Variants in ANO10 observed in about 807,000 individuals in gnomAD.
The protein encoded by ANO10 is anoctamin-10.
A neutral mutation model predicts 74.7 loss-of-function variants in ANO10; 77 were observed. That is an observed-to-expected ratio of 1.03 (90% confidence interval 0.86 to 1.25). The LOEUF (loss-of-function observed/expected upper bound fraction) is 1.25. Ranked by LOEUF, ANO10 falls within the 50% of genes most tolerant of loss-of-function variation. ANO10 has a pLI of 0.00. For synonymous variants in ANO10, 279 were observed against 284.9 expected (o/e 0.98, Z 0.21); for missense variants, 721 against 778.1 (o/e 0.93, Z 0.87).
At chr3:43,425,025 G>T (rs561378942) in intron 12 of ANO10, among the ~76,000 whole-genome samples, 1 of 152,032 alleles carries the variant, frequency 6.6e-6, no homozygotes, top group Non-Finnish European at 1.5e-5. Flanking sequence ...TAAGGACTGT[G>T]GCTATTGGCT....
At chr3:43,464,366 C>G (rs2075521891) in intron 11 of ANO10, among the ~76,000 whole-genome samples, 1 of 151,982 alleles carries the variant, frequency 6.6e-6, no homozygotes, top group African/African-American at 2.4e-5. Context: ...AAAATATGGC[C>G]AAGTGGGATA....
At chr3:43,639,529 C>G (rs2083649645) in intron 1 of ANO10, among the ~76,000 whole-genome samples, 1 of 152,106 alleles carries the variant, frequency 6.6e-6, no homozygotes, top group Non-Finnish European at 1.5e-5. Context: ...CTCTGGGAGG[C>G]CGAGGTGGGC....
chr3:43,418,106 A>G (rs1275058139), intron 12 of ANO10, among the ~76,000 whole-genome samples: 2 of 152,152 alleles, frequency 1.3e-5, no homozygotes, highest in African/African-American at 2.4e-5. Context: ...GTGAAACTCC[A>G]TCTCTACTAA....
intron 11 of ANO10, among the ~76,000 whole-genome samples, chr3:43,467,532 C>T (rs1199303670): frequency 6.6e-6 from 1 of 152,208 alleles, no homozygotes; most frequent in Non-Finnish European, 1.5e-5. Flanking sequence ...ATTTCTGTAA[C>T]AGGCCATTGT....
intron 12 of ANO10, among the ~76,000 whole-genome samples, chr3:43,409,535 C>T (rs2092631079): frequency 1.3e-5 from 2 of 151,966 alleles, no homozygotes; most frequent in Non-Finnish European, 2.9e-5. Context: ...CAGAACGACC[C>T]TGTTTCAATA....
upstream of ANO10, among the ~76,000 whole-genome samples, chr3:43,625,620 C>A (rs2083484441): frequency 6.6e-6 from 1 of 152,168 alleles, no homozygotes; most frequent in Non-Finnish European, 1.5e-5. Context: ...AGTTCGAGAG[C>A]ATCTTCTCAG....
At chr3:43,556,788 A>T (rs1052373991) in intron 9 of ANO10, among the ~76,000 whole-genome samples, 17 of 152,160 alleles carry the variant, frequency 1.1e-4, no homozygotes, top group African/African-American at 4.1e-4. Context: ...GTGAGAAGAT[A>T]AAAAAATCAG....
At chr3:43,394,423 C>T (rs1219770322) in intron 12 of ANO10, among the ~76,000 whole-genome samples, 1 of 152,156 alleles carries the variant, frequency 6.6e-6, no homozygotes, top group Non-Finnish European at 1.5e-5. Context: ...ATTCTCCCAC[C>T]CTCACCTCTT....
chr3:43,600,503 C>T lies in ANO10; in HGVS notation c.218G>A (p.Gly73Asp), dbSNP rs2149481812. Reference sequence around the variant, plus strand: ...TAGTAACATTCTAATCTTGGAGGCACCAACAAGATATAAGTTCTGATTTTC... The same window carrying T: ...TAGTAACATTCTAATCTTGGAGGCATCAACAAGATATAAGTTCTGATTTTC... ...TLENQNLYLV[G>D]ASKIRMLLGA... is the part of the protein sequence containing the mutation. Residue 73 changes from glycine to aspartate, a missense_variant, in exon 3 of 13, where the codon GGT (glycine) becomes GAT (aspartate). Physicochemically the swap from Gly to Asp is moderately conservative, Grantham distance 94. Transcript: ENST00000292246. 6.2e-7 allele frequency: 1 copy of T among 1,614,010 alleles called. No individual in the cohort carries two copies. The highest frequency in any genetic ancestry group is 1.6e-4 in the Middle Eastern group (1 of 6,062).
rs550848954 is a variant in ANO10 at position 43,570,607 on chromosome 3, G to A, written c.1218+4202C>T. Among the ~76,000 whole-genome samples the A allele has an allele frequency of 5.3e-3, 807 of 151,880 alleles. 4 individuals carry two copies. Among genetic ancestry groups the A allele is most frequent in the South Asian group, 7.5e-3 (36 of 4,806 alleles). On this transcript the variant is annotated intron_variant, in intron 7 of 12. Coordinates refer to ENST00000292246, the MANE Select transcript of ANO10 (RefSeq NM_018075.5). ...GAAGGGATTCCCTATTTAATAAATG[G>A]TGCTGGGAAAACTGGCTAGCCATAT...
At chr3:43,643,821 C>A (rs2149564898) in intron 1 of ANO10, among the ~76,000 whole-genome samples, 1 of 151,456 alleles carries the variant, frequency 6.6e-6, no homozygotes, top group African/African-American at 2.4e-5. Flanking sequence ...GTAGCTCGGA[C>A]TACAGGCACC....
intron 11 of ANO10, among the ~76,000 whole-genome samples, chr3:43,504,130 C>T (rs188312901): frequency 1.1e-4 from 17 of 151,946 alleles, no homozygotes; most frequent in Admixed American, 8.5e-4. Flanking sequence ...TTAGCCGGCA[C>T]GGTGGCGGAC....
chr3:43,382,416 G>T (rs978062164), intron 12 of ANO10, among the ~76,000 whole-genome samples: 2 of 151,818 alleles, frequency 1.3e-5, no homozygotes, highest in Admixed American at 1.3e-4. Context: ...CTACTCGGGA[G>T]GCTGAGGCAG....
chr3:43,425,799 G>C (rs4407383), intron 12 of ANO10, among the ~76,000 whole-genome samples: 81,333 of 151,964 alleles, frequency 0.54, 22,576 homozygotes, highest in East Asian at 0.83. Context: ...TTTTGAAATG[G>C]TTCCACAATA....
intron 1 of ANO10, among the ~76,000 whole-genome samples, chr3:43,637,247 C>T (rs1448791216): frequency 1.3e-5 from 2 of 152,046 alleles, no homozygotes; most frequent in Non-Finnish European, 2.9e-5. Context: ...GTGGGCAGAT[C>T]ACCTGAGGTC....
Position 43,679,301 on chromosome 3 carries a change from C to T in ANO10, c.-12+12216G>A, listed in dbSNP as rs113687359. Among the ~76,000 whole-genome samples, 1,274 of 152,358 alleles carry T rather than the reference C, an allele frequency of 8.4e-3. 20 individuals carry two copies. Among genetic ancestry groups the T allele is most frequent in the African/African-American group, 0.029 (1,208 of 41,588 alleles). On this transcript the variant is annotated intron_variant, in intron 1 of 3. Coordinates refer to the ANO10 transcript ENST00000413397. ...GCACACCAGGAGATTATATCCCGTG[C>T]ATGGCTCGGAGGGTCCTACGCCCAC... is the stretch of plus-strand genomic sequence containing the variant.
intron 1 of ANO10, among the ~76,000 whole-genome samples, chr3:43,639,516 G>A (rs1200898905): frequency 6.6e-6 from 1 of 152,204 alleles, no homozygotes; most frequent in Non-Finnish European, 1.5e-5. Flanking sequence ...TGTAATCCCA[G>A]CACTCTGGGA....
intron 11 of ANO10, among the ~76,000 whole-genome samples, chr3:43,530,628 C>T (rs1559655828): frequency 1.3e-5 from 2 of 152,020 alleles, no homozygotes; most frequent in African/African-American, 2.4e-5. Context: ...CCCACATTCA[C>T]ATAACTTTTA....
chr3:43,591,115 A>G (rs990464649), intron 4 of ANO10, among the ~76,000 whole-genome samples: 1 of 151,974 alleles, frequency 6.6e-6, no homozygotes, highest in African/African-American at 2.4e-5. Context: ...CTCTGTTTTC[A>G]CTCTATTAAA....
Sources: gnomAD v4.1 joint callset for allele counts (sites outside exome capture counted in the v4.1 genomes callset) on GRCh38, gnomAD v4.1.1 for gene constraint, MANE v1.5 for transcripts, NCBI Gene and HGNC (gene_info 2026-07-23, HGNC 2026-07-21) for gene names.